Variants in CDS1 observed in about 807,000 individuals in gnomAD.
CDS1 encodes the protein CDP-diacylglycerol synthase 1, also known as phosphatidate cytidylyltransferase 1.
CDS1 carries 41 observed loss-of-function variants against 62.1 expected under a neutral mutation model. The observed-to-expected ratio is 0.66, with a 90% confidence interval of 0.51 to 0.86. CDS1 has a LOEUF of 0.86. CDS1 is among the 40% of genes least tolerant of loss of function. CDS1 has a pLI of 0.00. For missense variants in CDS1, 470 were observed against 550.1 expected, an observed-to-expected ratio of 0.85 and a Z score of 1.46; for synonymous variants, 185 against 192.6, an observed-to-expected ratio of 0.96 and a Z score of 0.32.
chr4:84,603,820 A>G (rs1040026314), intron 1 of CDS1, among the ~76,000 whole-genome samples: 5 of 152,220 alleles, frequency 3.3e-5, no homozygotes, highest in African/African-American at 1.2e-4. Flanking sequence ...TTACAAATAT[A>G]TATGAAATGC....
intron 1 of CDS1, among the ~76,000 whole-genome samples, chr4:84,595,179 G>T (rs946163284): frequency 6.6e-6 from 1 of 152,112 alleles, no homozygotes; most frequent in South Asian, 2.1e-4. Context: ...AAAAGAAAGG[G>T]TACTCTGTTT....
At chr4:84,624,330 A>T (rs2148651454) in intron 5 of CDS1, among the ~76,000 whole-genome samples, 1 of 151,382 alleles carries the variant, frequency 6.6e-6, no homozygotes, top group South Asian at 2.1e-4. Flanking sequence ...AAATGAAAAT[A>T]TATGCCCATG....
chr4:84,643,024 GAAA>G lies in CDS1; in HGVS notation c.1034_1036del (p.Glu345_Arg346delinsGly). 6.3e-7 allele frequency: 1 copy of G among 1,588,978 alleles called. No individual in the cohort carries two copies. Among genetic ancestry groups the G allele is most frequent in the Non-Finnish European group, 8.6e-7 (1 of 1,164,338 alleles). On this transcript the variant is annotated inframe_deletion and splice_region_variant, in exon 11 of 13. Coordinates refer to ENST00000295887, the MANE Select transcript of CDS1 (RefSeq NM_001263.4). ...TCCTCCCCTTCTTTCTCCTCTTTAG[GAAA>G]GAGTGAGCTTGTACCCTTTCCAGAT...
chr4:84,590,955 G>A (rs1578014759), intron 1 of CDS1, among the ~76,000 whole-genome samples: 1 of 152,124 alleles, frequency 6.6e-6, no homozygotes, highest in Non-Finnish European at 1.5e-5. Flanking sequence ...TAGCTCAAAC[G>A]GTGAGAGACA....
In CDS1 at chr4:84,645,272, T is replaced by G; in HGVS notation, c.1203T>G (p.Asp401Glu). The change falls in exon 12 of 13, where the codon GAT becomes GAG. Residue 401 changes from aspartate to glutamate, a missense_variant. Physicochemically the swap from Asp to Glu is conservative, Grantham distance 45. Coordinates refer to ENST00000295887, the MANE Select transcript of CDS1 (RefSeq NM_001263.4). ...ATGGTGGGATAATGGACAGATTTGA[T>G]TGTCAGTATTTGATGGCAACTTTTG... ...PGHGGIMDRF[D>E]CQYLMATFVH... The G allele has an allele frequency of 6.2e-7, 1 of 1,613,102 alleles. No homozygotes were observed.
At chr4:84,646,671 T>C (rs1724566906) in intron 12 of CDS1, among the ~76,000 whole-genome samples, 1 of 152,200 alleles carries the variant, frequency 6.6e-6, no homozygotes, top group Admixed American at 6.6e-5. Flanking sequence ...TTATAATTTT[T>C]GAGATCTATT....
At chr4:84,641,744 C>A (rs185652510) in intron 10 of CDS1, among the ~76,000 whole-genome samples, 10 of 152,302 alleles carry the variant, frequency 6.6e-5, no homozygotes, top group Middle Eastern at 3.4e-3. Context: ...CCCTCCTGAT[C>A]TGTGTCATCA....
At position 84,641,212 on chromosome 4, in the gene CDS1, G is replaced by A. The variant is rs568734417; in HGVS notation, c.1032+222G>A. ...CTCCTGAGTAGCTGGGATTACAGGCGCTCGCCACCACATCTCGCTAAATTT... is the reference window on the plus strand; with the variant it reads ...CTCCTGAGTAGCTGGGATTACAGGCACTCGCCACCACATCTCGCTAAATTT... On this transcript the variant is annotated intron_variant, in intron 10 of 12. Coordinates refer to ENST00000295887, the MANE Select transcript of CDS1 (RefSeq NM_001263.4). Among the ~76,000 whole-genome samples, 14 of 152,146 alleles carry A rather than the reference G, an allele frequency of 9.2e-5. No homozygotes were observed. In the East Asian group the frequency reaches 1.7e-3, roughly 19 times the overall value.
At chr4:84,607,122 A>G (rs1193336208) in intron 2 of CDS1, among the ~76,000 whole-genome samples, 2 of 152,160 alleles carry the variant, frequency 1.3e-5, no homozygotes, top group African/African-American at 2.4e-5. Flanking sequence ...CAATTTGACT[A>G]CCTTATGAAG....
intron 7 of CDS1, 96 bp from the exon 8 acceptor site, chr4:84,635,168 C>T: frequency 1.5e-6 from 1 of 653,656 alleles, no homozygotes; most frequent in Non-Finnish European, 2.7e-6. Flanking sequence ...AAGGGTTATT[C>T]TGATGGTTCA....
chr4:84,635,149 T>G (rs1195045085), intron 7 of CDS1, 115 bp from the exon 8 acceptor site: 46 of 612,762 alleles, frequency 7.5e-5, no homozygotes, highest in East Asian at 5.3e-4. Context: ...TAGGCTGCAG[T>G]GCAATCCAAA....
At chr4:84,638,138 C>T (rs1314825940) in intron 8 of CDS1, among the ~76,000 whole-genome samples, 2 of 152,194 alleles carry the variant, frequency 1.3e-5, no homozygotes, top group Non-Finnish European at 2.9e-5. Flanking sequence ...TTTATCTCCC[C>T]TGAGCAACAA....
At chr4:84,641,913 G>A (rs551234722) in intron 10 of CDS1, among the ~76,000 whole-genome samples, 5 of 152,306 alleles carry the variant, frequency 3.3e-5, no homozygotes, top group Admixed American at 2.0e-4. Flanking sequence ...TGAGTGCTCA[G>A]TACATGGTTT....
chr4:84,592,214 A>T (rs1722613784), intron 1 of CDS1, among the ~76,000 whole-genome samples: 1 of 118,202 alleles, frequency 8.5e-6, no homozygotes, highest in South Asian at 2.9e-4. Context: ...CCCAGGCTGG[A>T]GTGCAGTGGC....
intron 8 of CDS1, among the ~76,000 whole-genome samples, chr4:84,636,804 C>T (rs781086324): frequency 1.3e-5 from 2 of 152,144 alleles, no homozygotes; most frequent in Non-Finnish European, 2.9e-5. Flanking sequence ...GGATTACAGG[C>T]GTGAGCCACC....
At chr4:84,619,755 G>A (rs148765357) in intron 5 of CDS1, among the ~76,000 whole-genome samples, 65 of 151,904 alleles carry the variant, frequency 4.3e-4, no homozygotes, top group South Asian at 3.3e-3. Flanking sequence ...ACTCCAGGCC[G>A]GGTGCGGTGG....
At chr4:84,625,571 G>A (rs1433050137) in intron 5 of CDS1, among the ~76,000 whole-genome samples, 1 of 152,118 alleles carries the variant, frequency 6.6e-6, no homozygotes, top group Non-Finnish European at 1.5e-5. Context: ...GAACAGCTGT[G>A]CAGGCATGAG....
intron 5 of CDS1, among the ~76,000 whole-genome samples, chr4:84,628,307 C>G (rs1723917267): frequency 6.6e-6 from 1 of 152,038 alleles, no homozygotes; most frequent in African/African-American, 2.4e-5. Flanking sequence ...TTTATTTTTT[C>G]TTTGTTTTTG....
At chr4:84,637,810 A>G (rs762340871) in intron 8 of CDS1, among the ~76,000 whole-genome samples, 6 of 152,236 alleles carry the variant, frequency 3.9e-5, no homozygotes, top group Non-Finnish European at 8.8e-5. Context: ...ATTTAATTTG[A>G]TAAGCTATCT....
Sources: allele counts gnomAD v4.1 joint callset (sites outside exome capture counted in the v4.1 genomes callset), GRCh38; gene constraint gnomAD v4.1.1; transcripts MANE v1.5; gene names NCBI Gene and HGNC (gene_info 2026-07-23, HGNC 2026-07-21).